SYNE1: variants seen among roughly 807,000 people sequenced by gnomAD.
SYNE1 encodes spectrin repeat containing nuclear envelope protein 1.
In SYNE1, 616 loss-of-function variants were observed where a neutral mutation model predicts 1,111.0. That is an observed-to-expected ratio of 0.55 (90% confidence interval 0.52 to 0.59). The LOEUF (loss-of-function observed/expected upper bound fraction) is 0.59, where lower values mean the gene tolerates loss of function less well. Among genes scored for constraint, SYNE1 ranks in the 20% least tolerant of loss-of-function variants. SYNE1 has a pLI of 0.00. For missense variants in SYNE1, 10,006 were observed against 10,417.0 expected (o/e 0.96, Z 1.72); for synonymous variants, 3,855 against 3,825.8 (o/e 1.01, Z -0.28).
intron 143 of SYNE1, 45 bp from the exon 144 acceptor site, chr6:152,132,259 C>G: frequency 6.5e-7 from 1 of 1,538,622 alleles, no homozygotes; most frequent in Non-Finnish European, 9.0e-7. Context: ...GTCCCAGACC[C>G]ATGGGGGCCC....
At chr6:152,569,868 T>C (rs886511939) in intron 3 of SYNE1, among the ~76,000 whole-genome samples, 2 of 152,192 alleles carry the variant, frequency 1.3e-5, no homozygotes, top group African/African-American at 4.8e-5. Flanking sequence ...GTAAAATAGC[T>C]GTAGAAACAA....
At chr6:152,494,525 A>G (rs2098988631) in intron 11 of SYNE1, among the ~76,000 whole-genome samples, 1 of 152,110 alleles carries the variant, frequency 6.6e-6, no homozygotes. Flanking sequence ...AGTATCTTCC[A>G]CATCTATCAT....
intron 3 of SYNE1, among the ~76,000 whole-genome samples, chr6:152,572,767 G>A (rs4870113): frequency 0.26 from 39,477 of 152,086 alleles, 6,713 homozygotes; most frequent in African/African-American, 0.47. Context: ...GCCAAAAGCT[G>A]TGGAATAAAA....
chr6:152,415,883 A>G (rs1194649245), intron 41 of SYNE1, among the ~76,000 whole-genome samples: 1 of 151,984 alleles, frequency 6.6e-6, no homozygotes, highest in Non-Finnish European at 1.5e-5. Flanking sequence ...GGTCTCAATC[A>G]ATTTAGAAGT....
At chr6:152,407,258 C>T in intron 44 of SYNE1, 62 bp from the exon 45 acceptor site, 2 of 1,482,980 alleles carry the variant, frequency 1.3e-6, no homozygotes, top group Non-Finnish European at 1.9e-6. Context: ...CATCCCCCAA[C>T]CAAAGTACCA....
At chr6:152,581,538 T>C (rs1356680095) in intron 3 of SYNE1, among the ~76,000 whole-genome samples, 1 of 152,178 alleles carries the variant, frequency 6.6e-6, no homozygotes, top group Non-Finnish European at 1.5e-5. Context: ...ATAGCAGACA[T>C]AAGCACACCA....
At chr6:152,404,176 A>G (rs1260006203) in intron 46 of SYNE1, 37 bp downstream of exon 46, 1 of 1,466,142 alleles carries the variant, frequency 6.8e-7, no homozygotes, top group African/African-American at 1.4e-5. Flanking sequence ...TAATTACAAA[A>G]TGGATGGAAG....
intron 13 of SYNE1, 72 bp downstream of exon 13, chr6:152,484,763 A>G (rs2098930641): frequency 6.5e-7 from 1 of 1,536,668 alleles, no homozygotes; most frequent in Non-Finnish European, 8.9e-7. Flanking sequence ...ACCACTGTGT[A>G]GAAATAGATG....
At chr6:152,588,517 C>G (rs188745456) in intron 3 of SYNE1, among the ~76,000 whole-genome samples, 7 of 152,252 alleles carry the variant, frequency 4.6e-5, no homozygotes, top group Admixed American at 2.6e-4. Context: ...CAGTAGCTAA[C>G]TAGGTTCTAG....
intron 3 of SYNE1, among the ~76,000 whole-genome samples, chr6:152,604,992 GAAAGAAAGAA>G (rs1441808072): frequency 6.5e-4 from 16 of 24,752 alleles, no homozygotes; most frequent in Admixed American, 1.1e-3. Context: ...AAGAAAGAAA[GAAAGAAAGAA>G]AGAAAGAGAG....
intron 107 of SYNE1, among the ~76,000 whole-genome samples, chr6:152,240,405 C>T (rs1259339235): frequency 6.6e-6 from 1 of 152,194 alleles, no homozygotes; most frequent in Non-Finnish European, 1.5e-5. Flanking sequence ...TCCATGTTGT[C>T]AAGCACAGCT....
intron 36 of SYNE1, among the ~76,000 whole-genome samples, chr6:152,428,650 A>G (rs1403913891): frequency 6.6e-6 from 1 of 152,224 alleles, no homozygotes. Flanking sequence ...TCTTGAATAA[A>G]TAAAACACAA....
chr6:152,375,114 T>C (rs1431975588), intron 58 of SYNE1, among the ~76,000 whole-genome samples: 9 of 151,976 alleles, frequency 5.9e-5, no homozygotes, highest in Admixed American at 5.2e-4. Flanking sequence ...CTAATTTTTG[T>C]ATTTTATTAG....
At chr6:152,571,250 G>A (rs2099454636) in intron 3 of SYNE1, among the ~76,000 whole-genome samples, 4 of 152,120 alleles carry the variant, frequency 2.6e-5, no homozygotes, top group Admixed American at 2.6e-4. Flanking sequence ...TTAAGAACAG[G>A]AAGCAAAGTA....
At chr6:152,182,032 T>A (rs895347850) in intron 128 of SYNE1, among the ~76,000 whole-genome samples, 1 of 152,220 alleles carries the variant, frequency 6.6e-6, no homozygotes, top group African/African-American at 2.4e-5. Context: ...TCATGTTTCT[T>A]AGCCATTTGT....
At chr6:152,342,993 T>A (rs1590605386) in intron 74 of SYNE1, among the ~76,000 whole-genome samples, 3 of 152,334 alleles carry the variant, frequency 2.0e-5, no homozygotes, top group South Asian at 2.1e-4. Context: ...CATTTCATTA[T>A]AACTTTTAGA....
chr6:152,337,291 A>ATT (rs36122423), intron 75 of SYNE1, among the ~76,000 whole-genome samples: 1 of 146,068 alleles, frequency 6.8e-6, no homozygotes, highest in East Asian at 2.0e-4. Context: ...AACTCTAATA[A>ATT]TTTTTTTTTT....
At position 152,331,532 on chromosome 6, in the gene SYNE1, T is replaced by A; in HGVS notation, c.13153A>T (p.Met4385Leu). 1 of 1,613,686 alleles carries A rather than the reference T, an allele frequency of 6.2e-7. No individual in the cohort carries two copies. Among genetic ancestry groups the A allele is most frequent in the African/African-American group, 1.3e-5 (1 of 75,016 alleles). Residue 4385 changes from methionine to leucine, a missense_variant, in exon 78 of 146, where the codon ATG (methionine) becomes TTG (leucine). Transcript: ENST00000367255. ...TCACTGCAGATGGCCAGGTGATCCA[T>A]GAGAAGGTTCTGAGCCATATCTGGA... ...PPPDMAQNLLMDHLAICSELE... is the reference protein window; with the variant it reads ...PPPDMAQNLLLDHLAICSELE...
At chr6:152,502,223 G>T (rs1430797405) in intron 10 of SYNE1, among the ~76,000 whole-genome samples, 1 of 152,128 alleles carries the variant, frequency 6.6e-6, no homozygotes, top group Non-Finnish European at 1.5e-5. Flanking sequence ...CCATATGTTT[G>T]CTGTCAATAG....
Sources: allele counts gnomAD v4.1 joint callset (sites outside exome capture counted in the v4.1 genomes callset), GRCh38; gene constraint gnomAD v4.1.1; transcripts MANE v1.5; gene names NCBI Gene and HGNC (gene_info 2026-07-23, HGNC 2026-07-21).